Variants in MTAP observed in about 807,000 individuals in gnomAD.
MTAP encodes the protein methylthioadenosine phosphorylase, also known as S-methyl-5'-thioadenosine phosphorylase.
Under a neutral mutation model 33.6 loss-of-function variants are expected in MTAP, and 33 were observed. The observed-to-expected ratio is 0.98, with a 90% CI of 0.74 to 1.31. The LOEUF is 1.31. MTAP is among the 40% of genes most tolerant of loss of function. The pLI is 0.00. For synonymous variants in MTAP, 148 were observed against 125.7 expected (o/e 1.18, Z -1.19); for missense variants, 367 against 360.0 (o/e 1.02, Z -0.16).
At chr9:21,852,708 A>G (rs968640908) in intron 5 of MTAP, among the ~76,000 whole-genome samples, 2 of 125,390 alleles carry the variant, frequency 1.6e-5, no homozygotes, top group African/African-American at 3.1e-5. Flanking sequence ...TATTGAAATG[A>G]AAAAAAAAAA....
In MTAP at chr9:21,865,901, C is replaced by A; in HGVS notation, c.*3887C>A. 3.2e-6 allele frequency: 2 copies of A among 621,216 alleles called. No homozygotes were observed. The highest frequency in any genetic ancestry group is 4.0e-6 in the Non-Finnish European group (2 of 496,856). 38.5% of individuals were successfully genotyped at this position (621,216 alleles called of 1,614,324 possible). ...CTATCTTACAATTTGATTATCTATT[C>A]ACCTGTTGATGAATGTTTGAATTTT... On this transcript the variant is annotated 3_prime_UTR_variant, in exon 8 of 8. Coordinates refer to ENST00000644715, the MANE Select transcript of MTAP (RefSeq NM_002451.4).
chr9:21,888,738 T>C (rs1259132957), intron 1 of MTAP, among the ~76,000 whole-genome samples: 1 of 152,100 alleles, frequency 6.6e-6, no homozygotes, highest in Non-Finnish European at 1.5e-5. Context: ...TCTTGAAGAC[T>C]TATTTTCCTG....
chr9:21,919,826 G>A (rs1033514371), intron 1 of MTAP, among the ~76,000 whole-genome samples: 1 of 152,082 alleles, frequency 6.6e-6, no homozygotes, highest in Non-Finnish European at 1.5e-5. Flanking sequence ...GTTCATCAAC[G>A]TGTATATTAA....
intron 2 of MTAP, among the ~76,000 whole-genome samples, chr9:21,816,360 T>C (rs551232253): frequency 6.6e-6 from 1 of 152,344 alleles, no homozygotes; most frequent in East Asian, 1.9e-4. Flanking sequence ...TGGCTTGTTA[T>C]CCTTTCTGCC....
chr9:21,822,843 T>C (rs774080532), intron 4 of MTAP, among the ~76,000 whole-genome samples: 2 of 152,264 alleles, frequency 1.3e-5, no homozygotes, highest in Non-Finnish European at 2.9e-5. Flanking sequence ...TTAGGATAGT[T>C]GGCTCTTCTT....
intron 1 of MTAP, among the ~76,000 whole-genome samples, chr9:21,879,965 ATTCT>A (rs144372916): frequency 0.016 from 2,483 of 152,098 alleles, 61 homozygotes; most frequent in African/African-American, 0.055. Context: ...TTCCTTTAAC[ATTCT>A]TTCTTTTATT....
At chr9:21,867,558 C>T (rs562337539), downstream of MTAP, among the ~76,000 whole-genome samples, 1 of 152,052 alleles carries the variant, frequency 6.6e-6, no homozygotes, top group African/African-American at 2.4e-5. Context: ...ATTCGGTTTG[C>T]AAATATTTTG....
In MTAP at chr9:21,802,681, C is replaced by A; in HGVS notation, c.-68C>A. 1 of 1,557,670 alleles carries A rather than the reference C, an allele frequency of 6.4e-7. No homozygotes were observed. The highest frequency in any genetic ancestry group is 1.9e-5 in the Admixed American group (1 of 53,332). ...CGCAGTGAGGTTGGCACAGCCACCG[C>A]TCTGTGGCTCGCTTGGTTCCCTTAG... is the stretch of plus-strand genomic sequence containing the variant. On this transcript the variant is annotated 5_prime_UTR_variant, in exon 1 of 8. Coordinates refer to ENST00000644715, the MANE Select transcript of MTAP (RefSeq NM_002451.4).
chr9:21,811,750 C>G (rs890845778), intron 1 of MTAP: 1 of 531,090 alleles, frequency 1.9e-6, no homozygotes, highest in Non-Finnish European at 3.8e-6. Context: ...CATCCATGCC[C>G]TCGCCCGTGT....
chr9:21,823,034 G>T (rs1824686711), intron 4 of MTAP, among the ~76,000 whole-genome samples: 1 of 152,158 alleles, frequency 6.6e-6, no homozygotes, highest in Admixed American at 6.5e-5. Context: ...CTGCACGTGA[G>T]TTGGGTCTCC....
At chr9:21,885,991 T>G (rs1174979657) in intron 1 of MTAP, among the ~76,000 whole-genome samples, 1 of 152,160 alleles carries the variant, frequency 6.6e-6, no homozygotes, top group Non-Finnish European at 1.5e-5. Context: ...ATGGGATTGC[T>G]GGATCAAATG....
At chr9:21,808,825 A>G (rs1587194122) in intron 1 of MTAP, 1 of 152,206 alleles carries the variant, frequency 6.6e-6, no homozygotes, top group Non-Finnish European at 1.5e-5. Context: ...TTATAGCAGC[A>G]GAAAACAGAC....
At chr9:21,839,127 G>A (rs975289451) in intron 5 of MTAP, among the ~76,000 whole-genome samples, 24 of 151,528 alleles carry the variant, frequency 1.6e-4, no homozygotes, top group African/African-American at 5.6e-4. Flanking sequence ...AGATACCACT[G>A]CGCATTGATT....
chr9:21,846,274 C>G (rs1825379118), intron 5 of MTAP, among the ~76,000 whole-genome samples: 1 of 152,130 alleles, frequency 6.6e-6, no homozygotes. Flanking sequence ...CTTAATTCAT[C>G]TAAAATGCTT....
chr9:21,848,120 G>A (rs1052705110), intron 5 of MTAP, among the ~76,000 whole-genome samples: 6 of 152,110 alleles, frequency 3.9e-5, no homozygotes, highest in Non-Finnish European at 5.9e-5. Flanking sequence ...AACCCTGTGC[G>A]GCCTGAGGCA....
chr9:21,884,651 G>C (rs772932221), intron 1 of MTAP, among the ~76,000 whole-genome samples: 1 of 152,064 alleles, frequency 6.6e-6, no homozygotes, highest in Non-Finnish European at 1.5e-5. Flanking sequence ...TCACATGGCC[G>C]CTAGTGAACT....
chr9:21,890,531 T>C (rs1818184112), intron 1 of MTAP, among the ~76,000 whole-genome samples: 1 of 152,206 alleles, frequency 6.6e-6, no homozygotes, highest in South Asian at 2.1e-4. Flanking sequence ...CTCTCTGTGG[T>C]TCTTTCCGAA....
At chr9:21,809,045 T>C (rs1824279966) in intron 1 of MTAP, 2 of 152,256 alleles carry the variant, frequency 1.3e-5, no homozygotes, top group African/African-American at 2.4e-5. Context: ...ACCTATTTCC[T>C]TGCCTTTTTC....
In MTAP at chr9:21,915,441, G is replaced by A. The variant is rs191595054; in HGVS notation, c.148-15567G>A. ...TGATATTTCATTTTATGGTTATACC[G>A]CATTTTGTTTATTCATTTGTCACCT... On this transcript the variant is annotated intron_variant, in intron 1 of 1. Coordinates refer to the MTAP transcript ENST00000577563. Among the ~76,000 whole-genome samples the A allele has an allele frequency of 2.7e-3, 406 of 151,904 alleles. 3 individuals are homozygous for A. Among genetic ancestry groups the A allele is most frequent in the African/African-American group, 8.7e-3 (361 of 41,406 alleles).
Sources: allele counts gnomAD v4.1 joint callset (sites outside exome capture counted in the v4.1 genomes callset), GRCh38; gene constraint gnomAD v4.1.1; transcripts MANE v1.5; gene names NCBI Gene and HGNC (gene_info 2026-07-23, HGNC 2026-07-21).